Variants in NPR3 observed in about 807,000 individuals in gnomAD.
The protein encoded by NPR3 is natriuretic peptide receptor 3.
A neutral mutation model predicts 54.5 loss-of-function variants in NPR3; 34 were observed. The ratio of observed to expected loss-of-function variants is 0.62; its 90% CI spans 0.47 to 0.83. NPR3 has a LOEUF of 0.83. Among genes scored for constraint, NPR3 ranks in the 40% least tolerant of loss-of-function variants. NPR3 has a pLI of 0.00. For synonymous variants in NPR3, 289 were observed against 297.1 expected, an observed-to-expected ratio of 0.97 and a Z score of 0.28; for missense variants, 674 against 720.8, an observed-to-expected ratio of 0.94 and a Z score of 0.74.
rs1742766865 is a variant in NPR3 at position 32,788,918 on chromosome 5, A to C, written c.*2573A>C. On this transcript the variant is annotated 3_prime_UTR_variant, in exon 8 of 8. Transcript: ENST00000265074. ...CTGTTAGGTTTTGAAAATTCCATTA[A>C]GTTGGAAACCTTGGTTAAAAATGTA... 6.6e-6 allele frequency: 1 copy of C among 152,356 alleles called. No individual in the cohort carries two copies. Among genetic ancestry groups the C allele is most frequent in the Non-Finnish European group, 1.5e-5 (1 of 68,164 alleles). The allele number at this position is 152,356 out of a possible 1,614,324, so 9.4% of individuals were successfully genotyped here. A position where few individuals can be genotyped will look rare whatever the true frequency, so the allele number is the denominator to read the frequency against.
At chr5:32,709,132 A>G (rs1738084013), upstream of NPR3, among the ~76,000 whole-genome samples, 1 of 152,034 alleles carries the variant, frequency 6.6e-6, no homozygotes, top group South Asian at 2.1e-4. Flanking sequence ...AGGCGTTCAC[A>G]CCGGTGCCAC....
Position 32,723,057 on chromosome 5 carries a change from A to C in NPR3, c.770-1641A>C, listed in dbSNP as rs373786542. Among the ~76,000 whole-genome samples the C allele has an allele frequency of 1.2e-3, 179 of 152,286 alleles. 6 individuals carry two copies. In the South Asian group the frequency reaches 0.036, roughly 30 times the overall value. On this transcript the variant is annotated intron_variant, in intron 1 of 7. Transcript: ENST00000265074. Reference sequence around the variant, plus strand: ...GTAAACTAAATATCAACAAGAACCCAACCTCCATGCAGGTTGCCAAGGCCG... The same window carrying C: ...GTAAACTAAATATCAACAAGAACCCCACCTCCATGCAGGTTGCCAAGGCCG...
intron 1 of NPR3, among the ~76,000 whole-genome samples, chr5:32,723,862 C>T (rs1738995670): frequency 6.6e-6 from 1 of 151,790 alleles, no homozygotes; most frequent in Non-Finnish European, 1.5e-5. Context: ...CCTCTTCTCC[C>T]CTCCTCTCAC....
At chr5:32,708,416 G>A (rs1235406587), upstream of NPR3, among the ~76,000 whole-genome samples, 5 of 151,848 alleles carry the variant, frequency 3.3e-5, no homozygotes, top group African/African-American at 1.2e-4. Context: ...TGGGTTTATT[G>A]TGCTGTATTA....
rs201477214 is a variant in NPR3, at chr5:32,784,818, A to G, written c.1449A>G (p.Ala483=). The G allele has an allele frequency of 3.3e-4, 531 of 1,613,660 alleles. No individual in the cohort carries two copies. Among genetic ancestry groups the G allele is most frequent in the Non-Finnish European group, 4.1e-4 (484 of 1,179,750 alleles). The change falls in exon 7 of 8, where the codon GCA becomes GCG. Residue 483 remains alanine (A), a synonymous_variant. Transcript: ENST00000265074. The part of the protein sequence containing the change: ...CKSSGGLEES[A]VTGIVVGALL... ...AAGCAGGTGGCCTAGAAGAATCGGC[A>G]GTGACAGGAATTGTCGTGGGGGCTT...
intron 6 of NPR3, among the ~76,000 whole-genome samples, chr5:32,783,967 G>A (rs1453766819): frequency 6.6e-6 from 1 of 152,110 alleles, no homozygotes; most frequent in Admixed American, 6.5e-5. Context: ...TATATAACTG[G>A]GATACTACTG....
intron 2 of NPR3, among the ~76,000 whole-genome samples, chr5:32,735,485 A>T (rs1739683816): frequency 6.6e-6 from 1 of 151,916 alleles, no homozygotes; most frequent in Non-Finnish European, 1.5e-5. Flanking sequence ...ATACCAAAAA[A>T]AAAAAAAAAG....
intron 2 of NPR3, among the ~76,000 whole-genome samples, chr5:32,729,060 C>T (rs1478473086): frequency 9.5e-5 from 11 of 116,242 alleles, no homozygotes; most frequent in South Asian, 2.9e-4. Flanking sequence ...GACGGAGTCT[C>T]GCTCTGTCGC....
At chr5:32,698,978 T>G (rs1469989548) in intron 1 of NPR3, among the ~76,000 whole-genome samples, 1 of 152,206 alleles carries the variant, frequency 6.6e-6, no homozygotes, top group Non-Finnish European at 1.5e-5. Flanking sequence ...TTCAATGTTA[T>G]TATTGATAAG....
At chr5:32,706,052 G>T (rs963618137), upstream of NPR3, among the ~76,000 whole-genome samples, 7 of 152,098 alleles carry the variant, frequency 4.6e-5, no homozygotes, top group African/African-American at 1.7e-4. Context: ...AGATGTTTGG[G>T]TCATGGGGGC....
intron 1 of NPR3, among the ~76,000 whole-genome samples, chr5:32,724,072 T>G (rs959466281): frequency 6.6e-6 from 1 of 152,244 alleles, no homozygotes; most frequent in Non-Finnish European, 1.5e-5. Flanking sequence ...CAAGAATGTT[T>G]ACTTACATAA....
chr5:32,780,822 C>T lies in NPR3; in HGVS notation c.1290+6C>T. On this transcript the variant is annotated splice_donor_region_variant and intron_variant, in intron 5 of 7. Transcript: ENST00000265074. The stretch of plus-strand genomic sequence containing the variant: ...TGGAGGCGGGCACCCAGGAGGTGAG[C>T]ACGTGAGACCTCTGCACCAGTTGCT... The T allele has an allele frequency of 7.6e-7, 1 of 1,315,572 alleles. No individual in the cohort carries two copies. The highest frequency in any genetic ancestry group is 1.2e-5 in the South Asian group (1 of 85,038). 81.5% of individuals were successfully genotyped at this position (1,315,572 alleles called of 1,614,324 possible).
chr5:32,729,793 GTTGT>G (rs1350260347), intron 2 of NPR3, among the ~76,000 whole-genome samples: 2 of 152,162 alleles, frequency 1.3e-5, no homozygotes, highest in African/African-American at 2.4e-5. Context: ...TGTCATATAT[GTTGT>G]TTGTCATTGA....
At chr5:32,710,904 G>GTGTGTGTA, upstream of NPR3, 1 of 898,764 alleles carries the variant, frequency 1.1e-6, no homozygotes, top group Non-Finnish European at 1.5e-6. Flanking sequence ...ATGTGTGTGT[G>GTGTGTGTA]TGTGTGTGTG....
chr5:32,713,272 G>A, intron 1 of NPR3: 4 of 985,458 alleles, frequency 4.1e-6, no homozygotes, highest in Non-Finnish European at 4.8e-6. Context: ...GAAGAAACGA[G>A]CGCTGAACCT....
intron 1 of NPR3, among the ~76,000 whole-genome samples, chr5:32,703,810 G>T (rs1324650095): frequency 6.6e-6 from 1 of 152,224 alleles, no homozygotes; most frequent in Non-Finnish European, 1.5e-5. Flanking sequence ...AAGCTGCACT[G>T]CCTGGGGTTG....
chr5:32,724,670 TC>T, intron 1 of NPR3, 27 bp from the exon 2 acceptor site: 2 of 1,613,658 alleles, frequency 1.2e-6, no homozygotes, highest in Non-Finnish European at 1.7e-6. Flanking sequence ...AAGGGGTGCC[TC>T]ATGTGTGTTG....
intron 1 of NPR3, chr5:32,713,432 T>TA: frequency 5.1e-6 from 5 of 985,436 alleles, no homozygotes; most frequent in Non-Finnish European, 6.0e-6. Flanking sequence ...TGGCCCATTT[T>TA]ACGGTAGGGT....
At chr5:32,779,369 A>G (rs1006720558) in intron 4 of NPR3, among the ~76,000 whole-genome samples, 1 of 152,226 alleles carries the variant, frequency 6.6e-6, no homozygotes, top group African/African-American at 2.4e-5. Flanking sequence ...AATGAAAATT[A>G]TGACATAGAC....
Sources: gnomAD v4.1 joint callset for allele counts (sites outside exome capture counted in the v4.1 genomes callset) on GRCh38, gnomAD v4.1.1 for gene constraint, MANE v1.5 for transcripts, NCBI Gene and HGNC (gene_info 2026-07-23, HGNC 2026-07-21) for gene names.